COL8A1: variants seen among roughly 807,000 people sequenced by gnomAD.
COL8A1 encodes the protein collagen alpha-1(VIII) chain.
A neutral mutation model predicts 42.7 loss-of-function variants in COL8A1; 21 were observed. The ratio of observed to expected loss-of-function variants is 0.49; its 90% CI spans 0.35 to 0.71. COL8A1 has a LOEUF of 0.71. Ranked by LOEUF, COL8A1 falls within the 30% of genes least tolerant of loss-of-function variation. The pLI, the probability that COL8A1 is intolerant of heterozygous loss-of-function variation, is 0.01. For synonymous variants in COL8A1, 367 were observed against 369.1 expected (o/e 0.99, Z 0.06); for missense variants, 788 against 962.4 (o/e 0.82, Z 2.40).
chr3:99,770,074 A>G (rs1321098892), intron 2 of COL8A1, among the ~76,000 whole-genome samples: 3 of 152,198 alleles, frequency 2.0e-5, no homozygotes, highest in Non-Finnish European at 4.4e-5. Context: ...CTTTTTTATG[A>G]ACAGTTGTGC....
chr3:99,646,951 A>T (rs538084957), intron 1 of COL8A1, among the ~76,000 whole-genome samples: 65 of 152,316 alleles, frequency 4.3e-4, no homozygotes, highest in African/African-American at 1.5e-3. Context: ...CTTTTGTATA[A>T]AATCTCTGCA....
chr3:99,758,815 C>T (rs1461803194), intron 2 of COL8A1, among the ~76,000 whole-genome samples: 1 of 152,112 alleles, frequency 6.6e-6, no homozygotes, highest in South Asian at 2.1e-4. Flanking sequence ...CTGCACCTAC[C>T]ACTGAGACTG....
intron 2 of COL8A1, 80 bp downstream of exon 2, chr3:99,745,101 A>T (rs1242013130): frequency 6.6e-6 from 1 of 152,336 alleles, no homozygotes; most frequent in Non-Finnish European, 1.5e-5. Flanking sequence ...GTCCAGGAGC[A>T]CAAGGGCCCT....
chr3:99,741,364 A>G (rs1320225396), intron 1 of COL8A1, among the ~76,000 whole-genome samples: 1 of 152,220 alleles, frequency 6.6e-6, no homozygotes, highest in East Asian at 1.9e-4. Flanking sequence ...CCCAGAGTGT[A>G]TTCCACATTC....
intron 1 of COL8A1, among the ~76,000 whole-genome samples, chr3:99,673,162 C>T (rs1938596540): frequency 1.3e-5 from 2 of 151,642 alleles, no homozygotes; most frequent in Admixed American, 1.3e-4. Context: ...CATGTAGACT[C>T]TCATTTTTGT....
intron 1 of COL8A1, among the ~76,000 whole-genome samples, chr3:99,693,974 G>A (rs1367103592): frequency 1.3e-5 from 2 of 152,146 alleles, no homozygotes; most frequent in Non-Finnish European, 2.9e-5. Context: ...AAATAGTACT[G>A]TGTTACAATT....
intron 2 of COL8A1, among the ~76,000 whole-genome samples, chr3:99,782,174 GT>G (rs1369982538): frequency 6.6e-6 from 1 of 151,950 alleles, no homozygotes; most frequent in African/African-American, 2.4e-5. Flanking sequence ...CCTAAACCAC[GT>G]TTCTTATTTC....
At chr3:99,696,786 AG>A (rs1939382607) in intron 1 of COL8A1, among the ~76,000 whole-genome samples, 1 of 152,306 alleles carries the variant, frequency 6.6e-6, no homozygotes, top group African/African-American at 2.4e-5. Flanking sequence ...TTGTAACCGA[AG>A]TTTCAGAAAT....
At chr3:99,692,995 C>T (rs1408089151) in intron 1 of COL8A1, among the ~76,000 whole-genome samples, 1 of 152,204 alleles carries the variant, frequency 6.6e-6, no homozygotes, top group Non-Finnish European at 1.5e-5. Flanking sequence ...CTTGTCTCTA[C>T]TCAAAATATA....
rs141925133 is a variant in COL8A1 at position 99,770,397 on chromosome 3, C to T, written c.-3-20283C>T. Among the ~76,000 whole-genome samples, 501 of 152,264 alleles carry T rather than the reference C, an allele frequency of 3.3e-3. 4 individuals are homozygous for T. The highest frequency in any genetic ancestry group is 0.011 in the African/African-American group (472 of 41,554). On this transcript the variant is annotated intron_variant, in intron 2 of 3. Transcript: ENST00000652472. ...ATATTGTAGGGTAGTGTGTCCTTCA[C>T]GATATCAATGCCAAAATGGCCTAGC... is the stretch of plus-strand genomic sequence containing the variant.
chr3:99,759,752 GAATA>G (rs1559629052), intron 2 of COL8A1, among the ~76,000 whole-genome samples: 2 of 152,162 alleles, frequency 1.3e-5, no homozygotes, highest in Admixed American at 6.5e-5. Flanking sequence ...ACCGTAAAAA[GAATA>G]GATAGAACAA....
At chr3:99,647,978 C>T (rs1576411504) in intron 1 of COL8A1, among the ~76,000 whole-genome samples, 1 of 152,176 alleles carries the variant, frequency 6.6e-6, no homozygotes, top group African/African-American at 2.4e-5. Context: ...GTTGAGCACC[C>T]TCTGCTTTCA....
At chr3:99,699,401 G>T (rs997509296) in intron 1 of COL8A1, among the ~76,000 whole-genome samples, 1 of 152,164 alleles carries the variant, frequency 6.6e-6, no homozygotes, top group Admixed American at 6.5e-5. Flanking sequence ...AGCTTAGAGG[G>T]ACTAAATCTG....
intron 2 of COL8A1, among the ~76,000 whole-genome samples, chr3:99,778,464 C>A (rs1339218512): frequency 6.6e-6 from 1 of 152,158 alleles, no homozygotes; most frequent in East Asian, 1.9e-4. Context: ...CCTCTACGAT[C>A]TTGTCATTCA....
chr3:99,717,615 C>T (rs1230483250), intron 1 of COL8A1, among the ~76,000 whole-genome samples: 1 of 152,036 alleles, frequency 6.6e-6, no homozygotes, highest in African/African-American at 2.4e-5. Flanking sequence ...ACTGAGCCCT[C>T]ACCGAATTAA....
chr3:99,789,199 T>C (rs1941950939), intron 2 of COL8A1, among the ~76,000 whole-genome samples: 1 of 152,176 alleles, frequency 6.6e-6, no homozygotes. Context: ...TACCCTGGAA[T>C]AGGATATTGC....
intron 1 of COL8A1, among the ~76,000 whole-genome samples, chr3:99,662,381 CAAA>C (rs11394075): frequency 1.6e-5 from 2 of 126,058 alleles, no homozygotes; most frequent in African/African-American, 3.3e-5. Flanking sequence ...GACTTTGTCT[CAAA>C]AAAAAAAAAA....
chr3:99,739,071 C>T (rs1940822132), intron 1 of COL8A1, among the ~76,000 whole-genome samples: 2 of 152,190 alleles, frequency 1.3e-5, no homozygotes, highest in South Asian at 4.1e-4. Flanking sequence ...CAATGCCTCG[C>T]CCTGCTTTGG....
intron 1 of COL8A1, among the ~76,000 whole-genome samples, chr3:99,732,541 T>G (rs1559621013): frequency 6.6e-6 from 1 of 152,106 alleles, no homozygotes. Flanking sequence ...CTCACTATCC[T>G]GAGAACAGCA....
Sources: gnomAD v4.1 joint callset for allele counts (sites outside exome capture counted in the v4.1 genomes callset) on GRCh38, gnomAD v4.1.1 for gene constraint, MANE v1.5 for transcripts, NCBI Gene and HGNC (gene_info 2026-07-23, HGNC 2026-07-21) for gene names.